ZFPM2: variants seen among roughly 807,000 people sequenced by gnomAD.
ZFPM2 encodes zinc finger protein ZFPM2.
Under a neutral mutation model 98.6 loss-of-function variants are expected in ZFPM2, and 20 were observed. The ratio of observed to expected loss-of-function variants is 0.20; its 90% CI spans 0.14 to 0.29. ZFPM2 has a LOEUF of 0.29. ZFPM2 is among the 10% of genes least tolerant of loss of function. The pLI is 1.00. For missense variants in ZFPM2, 1,310 were observed against 1,388.6 expected (o/e 0.94, Z 0.90); for synonymous variants, 518 against 502.7 (o/e 1.03, Z -0.41).
chr8:105,734,322 G>T (rs117991619), intron 5 of ZFPM2, among the ~76,000 whole-genome samples: 2 of 151,884 alleles, frequency 1.3e-5, no homozygotes, highest in East Asian at 3.9e-4. Context: ...GTAGTTTTAC[G>T]TATCTTTTTA....
chr8:105,494,342 T>G (rs1169469833), intron 3 of ZFPM2, among the ~76,000 whole-genome samples: 1 of 151,294 alleles, frequency 6.6e-6, no homozygotes, highest in Non-Finnish European at 1.5e-5. Flanking sequence ...TTCCGCACGC[T>G]TAAGACCCAG....
At chr8:105,667,135 A>G (rs2130897043) in intron 5 of ZFPM2, among the ~76,000 whole-genome samples, 1 of 152,348 alleles carries the variant, frequency 6.6e-6, no homozygotes, top group African/African-American at 2.4e-5. Flanking sequence ...AATGAAAAGA[A>G]GCCTATCGCT....
chr8:105,757,335 A>G (rs940788415), intron 5 of ZFPM2, among the ~76,000 whole-genome samples: 3 of 152,182 alleles, frequency 2.0e-5, no homozygotes, highest in African/African-American at 7.2e-5. Flanking sequence ...TTGCTTTAAA[A>G]GATATATTTT....
intron 3 of ZFPM2, among the ~76,000 whole-genome samples, chr8:105,446,942 G>A (rs191420893): frequency 1.3e-5 from 2 of 152,138 alleles, no homozygotes; most frequent in Admixed American, 6.5e-5. Context: ...GGGGTATTTC[G>A]TGTTTTCGCT....
At chr8:105,610,523 C>G (rs1224369178) in intron 4 of ZFPM2, among the ~76,000 whole-genome samples, 1 of 152,024 alleles carries the variant, frequency 6.6e-6, no homozygotes, top group Non-Finnish European at 1.5e-5. Flanking sequence ...CATATAATAA[C>G]TAGCTAACAA....
intron 1 of ZFPM2, among the ~76,000 whole-genome samples, chr8:105,408,031 C>G (rs1280907129): frequency 6.6e-6 from 1 of 151,858 alleles, no homozygotes; most frequent in Non-Finnish European, 1.5e-5. Flanking sequence ...TAACTTCTGC[C>G]TGTAAAGATG....
chr8:105,341,210 G>C, intron 1 of ZFPM2, among the ~76,000 whole-genome samples: 1 of 151,768 alleles, frequency 6.6e-6, no homozygotes, highest in Non-Finnish European at 1.5e-5. Context: ...GCACAAATCC[G>C]TCCAAAATAA....
At chr8:105,543,099 T>G (rs1331594441) in intron 3 of ZFPM2, among the ~76,000 whole-genome samples, 1 of 152,208 alleles carries the variant, frequency 6.6e-6, no homozygotes, top group African/African-American at 2.4e-5. Context: ...ATAGACTGTT[T>G]AGTTTGATTT....
intron 5 of ZFPM2, among the ~76,000 whole-genome samples, chr8:105,768,653 A>G (rs1812910870): frequency 6.6e-6 from 1 of 151,968 alleles, no homozygotes; most frequent in African/African-American, 2.4e-5. Flanking sequence ...CATTCACACA[A>G]TTTAGAATCT....
intron 4 of ZFPM2, among the ~76,000 whole-genome samples, chr8:105,581,026 T>A (rs1387386977): frequency 1.3e-5 from 2 of 152,030 alleles, no homozygotes; most frequent in Non-Finnish European, 2.9e-5. Context: ...TTTTATTAAT[T>A]ATTTGAACTA....
chr8:105,328,927 C>G (rs1056343146), intron 1 of ZFPM2, among the ~76,000 whole-genome samples: 5 of 151,776 alleles, frequency 3.3e-5, no homozygotes, highest in Non-Finnish European at 7.4e-5. Context: ...ACTGACCAAC[C>G]TGGGACTTGA....
intron 1 of ZFPM2, among the ~76,000 whole-genome samples, chr8:105,363,851 A>G (rs1261313970): frequency 6.6e-6 from 1 of 152,122 alleles, no homozygotes; most frequent in Non-Finnish European, 1.5e-5. Context: ...AGAAAGATCT[A>G]TTGTTTAAAA....
At chr8:105,440,417 A>C (rs1812212249) in intron 2 of ZFPM2, among the ~76,000 whole-genome samples, 14 of 152,170 alleles carry the variant, frequency 9.2e-5, no homozygotes, top group Admixed American at 9.2e-4. Flanking sequence ...ATTTAAATAA[A>C]GTAGCACCCA....
chr8:105,334,798 T>C (rs1244559056), intron 1 of ZFPM2, among the ~76,000 whole-genome samples: 1 of 151,702 alleles, frequency 6.6e-6, no homozygotes, highest in African/African-American at 2.4e-5. Flanking sequence ...GACATAGTTT[T>C]AAATTGGCCC....
At chr8:105,346,585 G>A (rs1232986636) in intron 1 of ZFPM2, among the ~76,000 whole-genome samples, 1 of 152,112 alleles carries the variant, frequency 6.6e-6, no homozygotes, top group Non-Finnish European at 1.5e-5. Context: ...GAAAAGGAAG[G>A]AAAACTTTCA....
At chr8:105,739,670 C>A (rs2131030728) in intron 5 of ZFPM2, among the ~76,000 whole-genome samples, 1 of 151,620 alleles carries the variant, frequency 6.6e-6, no homozygotes, top group African/African-American at 2.4e-5. Context: ...TGATTCCTTT[C>A]ATTGCTCCTA....
intron 3 of ZFPM2, among the ~76,000 whole-genome samples, chr8:105,488,841 A>G (rs1363215796): frequency 6.6e-6 from 1 of 152,182 alleles, no homozygotes; most frequent in African/African-American, 2.4e-5. Flanking sequence ...TGAACAAACC[A>G]GGCCTCTCAG....
At chr8:105,408,948 G>T (rs553385462) in intron 1 of ZFPM2, among the ~76,000 whole-genome samples, 3 of 151,984 alleles carry the variant, frequency 2.0e-5, no homozygotes, top group South Asian at 2.1e-4. Flanking sequence ...TGGCTATGTT[G>T]CTGTCCTGTA....
intron 6 of ZFPM2, 104 bp downstream of exon 6, chr8:105,789,028 G>C (rs1210858904): frequency 3.4e-6 from 3 of 880,092 alleles, no homozygotes; most frequent in African/African-American, 1.7e-5. Context: ...TTTTCCTTCA[G>C]TGTTGTGGTT....
Sources: gnomAD v4.1 joint callset for allele counts (sites outside exome capture counted in the v4.1 genomes callset) on GRCh38, gnomAD v4.1.1 for gene constraint, MANE v1.5 for transcripts, NCBI Gene and HGNC (gene_info 2026-07-23, HGNC 2026-07-21) for gene names.